The following SMCHD1 variants were observed in gnomAD, a reference collection of about 807,000 sequenced individuals.
SMCHD1 encodes the protein structural maintenance of chromosomes flexible hinge domain containing 1, also known as structural maintenance of chromosomes flexible hinge domain-containing protein 1.
Under a neutral mutation model 254.7 loss-of-function variants are expected in SMCHD1, and 78 were observed. The observed-to-expected ratio is 0.31, with a 90% CI of 0.26 to 0.37. The LOEUF is 0.37. SMCHD1 is among the 10% of genes least tolerant of loss of function. The pLI is 1.00. For synonymous variants in SMCHD1, 766 were observed against 794.9 expected, an observed-to-expected ratio of 0.96 and a Z score of 0.61; for missense variants, 1,840 against 2,408.1, an observed-to-expected ratio of 0.76 and a Z score of 4.94.
At chr18:2,696,531 A>G (rs2074289040) in intron 8 of SMCHD1, among the ~76,000 whole-genome samples, 1 of 152,178 alleles carries the variant, frequency 6.6e-6, no homozygotes, top group Non-Finnish European at 1.5e-5. Flanking sequence ...ATCTCTGGAA[A>G]AATTGTCTTC....
Position 2,707,602 on chromosome 18 carries a change from T to C in SMCHD1, c.2103T>C (p.Asp701=), listed in dbSNP as rs369708721. 8 of 1,609,466 alleles carry C rather than the reference T, an allele frequency of 5.0e-6. No homozygotes were observed. In the Admixed American group the frequency reaches 5.1e-5, roughly 10 times the overall value. The change falls in exon 16 of 48, where the codon GAT becomes GAC. Residue 701 remains aspartate, a synonymous_variant. Coordinates refer to ENST00000320876, the MANE Select transcript of SMCHD1 (RefSeq NM_015295.3). ...DRLSVTWPEG[D]ELLPNEVRPA... ...TGTCAGTAACTTGGCCTGAAGGAGA[T>C]GAATTATTGCCTAATGAGGTTAGGC...
In SMCHD1 at chr18:2,776,378, T is replaced by G. The variant is rs149838590; in HGVS notation, c.5366+454T>G. Among the ~76,000 whole-genome samples the G allele has an allele frequency of 1.8e-3, 275 of 149,016 alleles. 3 individuals carry two copies. In the East Asian group the frequency reaches 0.033, roughly 18 times the overall value. On this transcript the variant is annotated intron_variant, in intron 42 of 47. Coordinates refer to ENST00000320876, the MANE Select transcript of SMCHD1 (RefSeq NM_015295.3). ...CTGGGACTACAGGTGCATGCCAGCA[T>G]GCCCAGCTAAATTTTTTTTTTTTAA...
At chr18:2,789,011 CTTTT>C (rs1051066326) in intron 45 of SMCHD1, among the ~76,000 whole-genome samples, 2 of 146,234 alleles carry the variant, frequency 1.4e-5, no homozygotes, top group African/African-American at 4.9e-5. Flanking sequence ...CTTTGTTTTT[CTTTT>C]TTTGTTTGTT....
At chr18:2,733,907 A>G (rs2075195970) in intron 25 of SMCHD1, among the ~76,000 whole-genome samples, 1 of 152,184 alleles carries the variant, frequency 6.6e-6, no homozygotes, top group African/African-American at 2.4e-5. Flanking sequence ...TGGAGAGCTG[A>G]CATTCATAGA....
intron 34 of SMCHD1, among the ~76,000 whole-genome samples, chr18:2,756,412 TAGG>T (rs1568319769): frequency 1.3e-5 from 2 of 152,208 alleles, no homozygotes; most frequent in Admixed American, 1.3e-4. Context: ...GGTTTATTCT[TAGG>T]AGAATCTTAA....
Position 2,747,226 on chromosome 18 carries a change from T to C in SMCHD1, c.3802-296T>C, listed in dbSNP as rs159826. Among the ~76,000 whole-genome samples, 53,914 of 152,120 alleles carry C rather than the reference T, an allele frequency of 0.35. 10,624 individuals are homozygous for C. The highest frequency in any genetic ancestry group is 0.45 in the Non-Finnish European group (30,687 of 67,954). Reference sequence around the variant, plus strand: ...TATATGCAAATACTATGCAATTTTATATAAAAGAGTACCTGCAGCTTTTGG... The same window carrying C: ...TATATGCAAATACTATGCAATTTTACATAAAAGAGTACCTGCAGCTTTTGG... On this transcript the variant is annotated intron_variant, in intron 29 of 47. Coordinates refer to ENST00000320876, the MANE Select transcript of SMCHD1 (RefSeq NM_015295.3).
intron 17 of SMCHD1, among the ~76,000 whole-genome samples, chr18:2,712,808 G>A (rs74253161): frequency 0.023 from 3,430 of 152,224 alleles, 157 homozygotes; most frequent in East Asian, 0.19. Flanking sequence ...GCAAAACTGT[G>A]TATATCACTC....
chr18:2,671,595 CT>C lies in SMCHD1; in HGVS notation c.425-1668del, dbSNP rs760647745. On this transcript the variant is annotated intron_variant, in intron 3 of 47. Transcript: ENST00000320876. ...TCAAGTTATGTTGATCTTTTCTTTT[CT>C]TTTTTTTTTTTTTTTTTGAGACAGA... 4.8e-3 allele frequency among the ~76,000 whole-genome samples: 575 copies of C among 119,588 alleles called. 2 individuals carry two copies. The highest frequency in any genetic ancestry group is 0.016 in the African/African-American group (477 of 30,600). 78.5% of individuals were successfully genotyped at this position (119,588 alleles called of 152,430 possible).
intron 5 of SMCHD1, among the ~76,000 whole-genome samples, chr18:2,685,409 C>G (rs1362292949): frequency 1.3e-5 from 2 of 152,000 alleles, no homozygotes; most frequent in African/African-American, 2.4e-5. Context: ...TATTCTGTCC[C>G]TTTTTAAAGC....
At chr18:2,697,416 T>C (rs541455295) in intron 9 of SMCHD1, among the ~76,000 whole-genome samples, 50 of 152,356 alleles carry the variant, frequency 3.3e-4, no homozygotes, top group Non-Finnish European at 5.7e-4. Flanking sequence ...AGGGAGATAA[T>C]GTAGCTTTCC....
chr18:2,768,669 T>TACACTATATACTATACTACTA (rs2075917525), intron 37 of SMCHD1, among the ~76,000 whole-genome samples: 5 of 113,350 alleles, frequency 4.4e-5, no homozygotes, highest in Admixed American at 1.0e-4. Context: ...TAGTATATAG[T>TACACTATATACTATACTACTA]GTACTATATA....
chr18:2,755,783 G>A (rs1598408842), intron 34 of SMCHD1, among the ~76,000 whole-genome samples: 1 of 151,002 alleles, frequency 6.6e-6, no homozygotes, highest in Non-Finnish European at 1.5e-5. Flanking sequence ...TAGCCAGGAT[G>A]ATCTCGATCT....
chr18:2,707,312 CA>C (rs2074540004), intron 15 of SMCHD1: 1 of 257,632 alleles, frequency 3.9e-6, no homozygotes, highest in Non-Finnish European at 7.2e-6. Flanking sequence ...AAAAAAAAAT[CA>C]ACAAAAATTT....
chr18:2,677,638 T>C (rs570828366), intron 5 of SMCHD1, among the ~76,000 whole-genome samples: 1 of 152,344 alleles, frequency 6.6e-6, no homozygotes, highest in South Asian at 2.1e-4. Context: ...TGTTTTGTTT[T>C]GTTTTTTGAG....
intron 17 of SMCHD1, among the ~76,000 whole-genome samples, chr18:2,711,862 A>G (rs917074483): frequency 1.1e-4 from 17 of 152,104 alleles, no homozygotes; most frequent in African/African-American, 4.1e-4. Flanking sequence ...TCTCTCATGA[A>G]GGGCTTATTG....
intron 15 of SMCHD1, chr18:2,706,688 A>T (rs1283745294): frequency 2.5e-6 from 1 of 399,524 alleles, no homozygotes; most frequent in African/African-American, 2.1e-5. Context: ...AATCTTATAT[A>T]TCTAAAGTGT....
chr18:2,771,785 C>G (rs900245119), intron 40 of SMCHD1, among the ~76,000 whole-genome samples, 167 bp downstream of exon 40: 5 of 152,136 alleles, frequency 3.3e-5, no homozygotes, highest in Non-Finnish European at 5.9e-5. Flanking sequence ...ATAGAGTGCT[C>G]TATTCAAAGA....
intron 37 of SMCHD1, among the ~76,000 whole-genome samples, chr18:2,765,247 C>CT (rs2075846986): frequency 6.6e-6 from 1 of 152,126 alleles, no homozygotes; most frequent in Admixed American, 6.6e-5. Context: ...ATTCACAGTG[C>CT]TATCTCTGAT....
At chr18:2,683,650 T>C (rs750512094) in intron 5 of SMCHD1, among the ~76,000 whole-genome samples, 1 of 152,208 alleles carries the variant, frequency 6.6e-6, no homozygotes, top group Non-Finnish European at 1.5e-5. Flanking sequence ...GATGATATTA[T>C]TCATTTCTTT....
Sources: gnomAD v4.1 joint callset for allele counts (sites outside exome capture counted in the v4.1 genomes callset) on GRCh38, gnomAD v4.1.1 for gene constraint, MANE v1.5 for transcripts, NCBI Gene and HGNC (gene_info 2026-07-23, HGNC 2026-07-21) for gene names.